VPS13B: variants seen among roughly 807,000 people sequenced by gnomAD.
VPS13B encodes the protein vacuolar protein sorting 13 homolog B, also known as intermembrane lipid transfer protein VPS13B.
VPS13B carries 285 observed loss-of-function variants against 426.4 expected under a neutral mutation model. That is an observed-to-expected ratio of 0.67 (90% CI 0.61 to 0.74). VPS13B has a LOEUF of 0.74. Ranked by LOEUF, VPS13B falls within the 30% of genes least tolerant of loss-of-function variation. The pLI is 0.00. For missense variants in VPS13B, 4,537 were observed against 4,782.6 expected (o/e 0.95, Z 1.51); for synonymous variants, 1,676 against 1,676.4 (o/e 1.00, Z 0.01).
At chr8:99,556,374 T>C (rs1824565932) in intron 30 of VPS13B, 76 bp from the exon 31 acceptor site, 5 of 1,471,586 alleles carry the variant, frequency 3.4e-6, no homozygotes, top group Non-Finnish European at 3.7e-6. Context: ...ACTATGTTAG[T>C]GAACAAAATA....
chr8:99,547,579 A>G (rs1030712804), intron 30 of VPS13B, among the ~76,000 whole-genome samples: 5 of 152,104 alleles, frequency 3.3e-5, no homozygotes, highest in African/African-American at 1.2e-4. Context: ...TTATGTAAAC[A>G]TACAAAAGGC....
At position 99,467,480 on chromosome 8, in the gene VPS13B, T is replaced by G. The variant is rs771030813; in HGVS notation, c.3512T>G (p.Val1171Gly). 16 of 1,613,792 alleles carry G rather than the reference T, an allele frequency of 9.9e-6. No individual in the cohort carries two copies. Among genetic ancestry groups the G allele is most frequent in the Non-Finnish European group, 1.4e-5 (16 of 1,179,798 alleles). ...FSIYTLLGKQ[V>G]TLCLVEPMGC... ...ATATATACCCTTCTTGGAAAACAAG[T>G]GACACTTTGCCTAGTGGAACCTATG... The change falls in exon 24 of 62, where the codon GTG becomes GGG. Residue 1171 changes from valine to glycine, a missense_variant. This residue lies in a region of VPS13B where 4,311 missense variants were observed against 4,474.3 expected (regional missense o/e 0.96). Transcript: ENST00000357162.
intron 3 of VPS13B, among the ~76,000 whole-genome samples, chr8:99,069,259 C>T (rs2132328117): frequency 6.6e-6 from 1 of 152,102 alleles, no homozygotes; most frequent in East Asian, 1.9e-4. Context: ...ATGGTCAAAC[C>T]CCATCTCTAC....
intron 23 of VPS13B, among the ~76,000 whole-genome samples, chr8:99,465,129 A>G (rs1190588796): frequency 1.3e-5 from 2 of 152,170 alleles, no homozygotes; most frequent in African/African-American, 4.8e-5. Context: ...TCAGAATAGT[A>G]TGTGGTTCTG....
At chr8:99,100,515 C>A (rs1023303481) in intron 4 of VPS13B, among the ~76,000 whole-genome samples, 6 of 151,988 alleles carry the variant, frequency 3.9e-5, no homozygotes, top group African/African-American at 1.5e-4. Flanking sequence ...ATCTCGAACC[C>A]CTGAGCTCAA....
intron 30 of VPS13B, among the ~76,000 whole-genome samples, chr8:99,531,575 A>T (rs552426678): frequency 6.6e-6 from 1 of 152,220 alleles, no homozygotes; most frequent in Admixed American, 6.5e-5. Flanking sequence ...CCCATTGTAT[A>T]CTTACATATC....
chr8:99,533,013 C>G (rs1162248006), intron 30 of VPS13B, among the ~76,000 whole-genome samples: 4 of 147,264 alleles, frequency 2.7e-5, no homozygotes, highest in Non-Finnish European at 4.5e-5. Context: ...AATCTTGGCT[C>G]ACTGCAGCCT....
chr8:99,584,461 C>T (rs73702028), intron 33 of VPS13B, among the ~76,000 whole-genome samples: 3,287 of 152,308 alleles, frequency 0.022, 114 homozygotes, highest in African/African-American at 0.073. Context: ...AAACTGTCTA[C>T]GCTAGTCTTA....
intron 31 of VPS13B, among the ~76,000 whole-genome samples, chr8:99,568,314 G>A (rs1323083566): frequency 5.3e-5 from 8 of 149,568 alleles, no homozygotes; most frequent in South Asian, 2.1e-4. Flanking sequence ...TTTTTGAGAC[G>A]GAGTCTTGCT....
intron 33 of VPS13B, among the ~76,000 whole-genome samples, chr8:99,623,824 A>G (rs1232864745): frequency 6.6e-6 from 1 of 152,002 alleles, no homozygotes; most frequent in Admixed American, 6.6e-5. Context: ...CATTGCTTAT[A>G]TACTTTCCCT....
In VPS13B at chr8:99,853,782, T is replaced by C; in HGVS notation, c.10393T>C (p.Ser3465Pro). 1 of 1,614,228 alleles carries C rather than the reference T, an allele frequency of 6.2e-7. No homozygotes were observed. Among genetic ancestry groups the C allele is most frequent in the Non-Finnish European group, 8.5e-7 (1 of 1,180,042 alleles). ...TTCCAAAATGCAGAGTCTCCTCATA[T>C]CCAACAAAGAGTTGGAAGAATACAA... is the stretch of plus-strand genomic sequence containing the variant. ...QCSKMQSLLISNKELEEYKEK... is the reference protein window; with the variant it reads ...QCSKMQSLLIPNKELEEYKEK... Residue 3465 changes from serine to proline, a missense_variant, in exon 56 of 62, where the codon TCC (serine) becomes CCC (proline). This residue lies in a region of VPS13B where 4,311 missense variants were observed against 4,474.3 expected (regional missense o/e 0.96). Coordinates refer to ENST00000357162, the MANE Select transcript of VPS13B (RefSeq NM_152564.5).
intron 17 of VPS13B, among the ~76,000 whole-genome samples, chr8:99,224,263 A>T (rs1815892604): frequency 6.6e-6 from 1 of 152,232 alleles, no homozygotes; most frequent in Non-Finnish European, 1.5e-5. Flanking sequence ...TGTAGTGGGA[A>T]AAGAATACTT....
intron 16 of VPS13B, among the ~76,000 whole-genome samples, chr8:99,179,254 C>T (rs1812812794): frequency 6.6e-6 from 1 of 152,174 alleles, no homozygotes; most frequent in African/African-American, 2.4e-5. Context: ...CTGTCTAACT[C>T]ATACATCTGC....
At chr8:99,148,126 C>T in intron 14 of VPS13B, 116 bp downstream of exon 14, 1 of 1,160,620 alleles carries the variant, frequency 8.6e-7, no homozygotes, top group Non-Finnish European at 1.2e-6. Context: ...GTGTGTAATC[C>T]TGGCAATTCA....
intron 56 of VPS13B, among the ~76,000 whole-genome samples, chr8:99,855,447 G>A (rs923537202): frequency 6.6e-6 from 1 of 152,156 alleles, no homozygotes; most frequent in Non-Finnish European, 1.5e-5. Context: ...CGGCATCACA[G>A]TGTGTGTTCT....
At chr8:99,649,316 T>G (rs1829713218) in intron 34 of VPS13B, among the ~76,000 whole-genome samples, 1 of 152,120 alleles carries the variant, frequency 6.6e-6, no homozygotes, top group African/African-American at 2.4e-5. Flanking sequence ...CTTCAAATAG[T>G]CTTTCTGCAC....
rs1297164249 is a variant in VPS13B, at chr8:99,391,642, A to G, written c.3020A>G (p.Lys1007Arg). The change falls in exon 21 of 62, where the codon AAG becomes AGG. Residue 1007 changes from lysine to arginine, a missense_variant. Transcript: ENST00000357162. ...TCTATTGGAAGTGCCCCCTTGGCAA[A>G]GCAGCAATCATATCAGGCCTCTGAA... ...EVSIGSAPLA[K>R]QQSYQASEYA... The G allele has an allele frequency of 1.2e-5, 20 of 1,614,106 alleles. No individual in the cohort carries two copies. Among genetic ancestry groups the G allele is most frequent in the Non-Finnish European group, 1.6e-5 (19 of 1,179,948 alleles).
chr8:99,625,661 C>T (rs968869353), intron 33 of VPS13B, among the ~76,000 whole-genome samples: 2 of 151,872 alleles, frequency 1.3e-5, no homozygotes, highest in Non-Finnish European at 2.9e-5. Context: ...CAAGACCAGC[C>T]TGGACAACAT....
intron 22 of VPS13B, among the ~76,000 whole-genome samples, chr8:99,441,762 T>C (rs1817686373): frequency 1.3e-5 from 2 of 152,092 alleles, no homozygotes; most frequent in African/African-American, 4.8e-5. Context: ...TTTAGGTAAT[T>C]TGAAGAATGA....
Sources: gnomAD v4.1 joint callset for allele counts (sites outside exome capture counted in the v4.1 genomes callset) on GRCh38, gnomAD v4.1.1 for gene constraint, gnomAD v4.1.1 regional missense constraint, MANE v1.5 for transcripts, NCBI Gene and HGNC (gene_info 2026-07-23, HGNC 2026-07-21) for gene names.